ZNF263: variants seen among roughly 807,000 people sequenced by gnomAD.
ZNF263 encodes zinc finger protein 263, also known as zinc finger protein FPM315.
ZNF263 carries 49 observed loss-of-function variants against 63.1 expected under a neutral mutation model. The observed-to-expected ratio is 0.78, with a 90% CI of 0.62 to 0.99. The LOEUF (loss-of-function observed/expected upper bound fraction) is 0.99, where lower values mean the gene tolerates loss of function less well. Ranked by LOEUF, ZNF263 falls within the 50% of genes least tolerant of loss-of-function variation. The pLI is 0.00. For synonymous variants in ZNF263, 352 were observed against 324.2 expected (o/e 1.09, Z -0.92); for missense variants, 872 against 854.8 (o/e 1.02, Z -0.25).
At chr16:3,284,262 C>T in intron 1 of ZNF263, 57 bp downstream of exon 1, 1 of 1,453,970 alleles carries the variant, frequency 6.9e-7, no homozygotes, top group Non-Finnish European at 9.1e-7. Flanking sequence ...AGCACTGGGA[C>T]ATTGCGCCCC....
chr16:3,285,655 C>T (rs1346803556), intron 2 of ZNF263, 26 bp from the exon 3 acceptor site: 1 of 1,610,326 alleles, frequency 6.2e-7, no homozygotes, highest in Non-Finnish European at 8.5e-7. Context: ...GAATGCCATT[C>T]TCATTATAAT....
intron 2 of ZNF263, chr16:3,300,367 G>A (rs746355436): frequency 1.8e-5 from 29 of 1,614,036 alleles, no homozygotes; most frequent in Admixed American, 5.0e-5. Context: ...CATGTAGACC[G>A]CATCATCTAC....
Position 3,289,607 on chromosome 16 carries a change from G to A in ZNF263, c.1101G>A (p.Gly367=). ...LAGASSGREL[G]RPKELQPKKL... Reference sequence around the variant, plus strand: ...GAGCCTCAAGTGGCAGAGAACTGGGGCGACCGAAGGAACTGCAGCCAAAGA... The same window carrying A: ...GAGCCTCAAGTGGCAGAGAACTGGGACGACCGAAGGAACTGCAGCCAAAGA... Residue 367 remains glycine (G), a synonymous_variant, in exon 6 of 6, where the codon GGG becomes GGA. Transcript: ENST00000219069. The A allele has an allele frequency of 6.2e-7, 1 of 1,614,182 alleles. No homozygotes were observed. Among genetic ancestry groups the A allele is most frequent in the Non-Finnish European group, 8.5e-7 (1 of 1,180,048 alleles).
Position 3,288,544 on chromosome 16 carries a change from G to T in ZNF263, c.860G>T (p.Gly287Val). ...CCCAGTGTCCAGAGCTGCAAGGAGG[G>T]CCTGAGCCCCAGAGGCCCAGCTCCA... ...WDPSVQSCKEGLSPRGPAPGE... is the reference protein window; with the variant it reads ...WDPSVQSCKEVLSPRGPAPGE... Residue 287 changes from glycine to valine, a missense_variant, in exon 5 of 6, where the codon GGC becomes GTC. Transcript: ENST00000219069. 6.2e-7 allele frequency: 1 copy of T among 1,611,540 alleles called. No individual in the cohort carries two copies.
In ZNF263 at chr16:3,283,684, G is replaced by T. The variant is rs1959233001; in HGVS notation, c.-135G>T. On this transcript the variant is annotated 5_prime_UTR_variant, in exon 1 of 6. Transcript: ENST00000219069. ...CGGAGCCGGCCGCGCCTGGGCTGGA[G>T]CGGGGCTCCTCGGCCTGGACTGGGA... 7.5e-7 allele frequency: 1 copy of T among 1,327,574 alleles called. No individual in the cohort carries two copies. Among genetic ancestry groups the T allele is most frequent in the African/African-American group, 1.5e-5 (1 of 65,456 alleles). 82.2% of individuals were successfully genotyped at this position (1,327,574 alleles called of 1,614,324 possible). A position where few individuals can be genotyped will look rare whatever the true frequency, so the allele number is the denominator to read the frequency against.
In ZNF263 at chr16:3,283,932, G is replaced by T; in HGVS notation, c.114G>T (p.Glu38Asp). Reference sequence around the variant, plus strand: ...CACCTGACCCAGGACCGAGCCCCGAGGCCTCCCACTTGCGCTTCAGACGGT... The same window carrying T: ...CACCTGACCCAGGACCGAGCCCCGATGCCTCCCACTTGCGCTTCAGACGGT... The part of the protein sequence containing the change: ...LPPPDPGPSP[E>D]ASHLRFRRFR... Residue 38 changes from glutamate to aspartate, a missense_variant, in exon 1 of 6, where the codon GAG (glutamate) becomes GAT (aspartate). Glu to Asp is a conservative substitution (Grantham distance 45). Coordinates refer to ENST00000219069, the MANE Select transcript of ZNF263 (RefSeq NM_005741.5). 1 of 1,613,768 alleles carries T rather than the reference G, an allele frequency of 6.2e-7. No homozygotes were observed. The highest frequency in any genetic ancestry group is 8.5e-7 in the Non-Finnish European group (1 of 1,179,954).
intron 2 of ZNF263, chr16:3,299,751 G>A (rs143146510): frequency 8.3e-5 from 129 of 1,545,996 alleles, no homozygotes; most frequent in Middle Eastern, 3.5e-4. Flanking sequence ...ATGCCCTGAC[G>A]TCCTCGTCAT....
At chr16:3,299,267 G>A in intron 2 of ZNF263, 1 of 1,610,838 alleles carries the variant, frequency 6.2e-7, no homozygotes, top group Non-Finnish European at 8.5e-7. Flanking sequence ...GTTTTTAGGA[G>A]ACAACCCTTT....
intron 2 of ZNF263, chr16:3,300,486 A>G (rs1436293559): frequency 1.2e-6 from 2 of 1,614,084 alleles, no homozygotes; most frequent in Non-Finnish European, 1.7e-6. Context: ...TTTTAATGTC[A>G]TAAAATGTTG....
intron 1 of ZNF263, among the ~76,000 whole-genome samples, chr16:3,298,081 C>T (rs892501773): frequency 7.2e-5 from 11 of 152,162 alleles, no homozygotes; most frequent in African/African-American, 1.4e-4. Flanking sequence ...TCAACTGATA[C>T]GTTACATCCC....
downstream of ZNF263, among the ~76,000 whole-genome samples, chr16:3,292,558 T>C (rs921345533): frequency 5.3e-5 from 8 of 152,156 alleles, no homozygotes; most frequent in Non-Finnish European, 1.0e-4. Context: ...GGATGGAATG[T>C]AAAGCTGGTG....
chr16:3,300,291 C>G (rs1596378481), intron 2 of ZNF263: 1 of 1,614,226 alleles, frequency 6.2e-7, no homozygotes. Context: ...GTGCAAATCT[C>G]TCTGCAGCAG....
At chr16:3,286,203 G>C (rs1959350981) in intron 4 of ZNF263, 54 bp downstream of exon 4, 3 of 1,530,282 alleles carry the variant, frequency 2.0e-6, no homozygotes, top group Admixed American at 4.7e-5. Flanking sequence ...CCAGGGTCCT[G>C]CCCGTTATTC....
chr16:3,300,553 C>T (rs1299850161), intron 2 of ZNF263: 3 of 1,609,454 alleles, frequency 1.9e-6, no homozygotes, highest in Admixed American at 1.7e-5. Flanking sequence ...AGCTTCAATT[C>T]TACTTAGAAC....
At chr16:3,298,345 A>G (rs1044130713) in intron 1 of ZNF263, among the ~76,000 whole-genome samples, 1 of 152,260 alleles carries the variant, frequency 6.6e-6, no homozygotes, top group African/African-American at 2.4e-5. Flanking sequence ...ACGATCCTAT[A>G]TACTCAATAA....
chr16:3,298,858 C>T (rs1959843580), intron 1 of ZNF263: 1 of 420,694 alleles, frequency 2.4e-6, no homozygotes, highest in Non-Finnish European at 4.2e-6. Context: ...AATTTTATAA[C>T]CATTATATAA....
At chr16:3,288,004 C>T (rs1959443541) in intron 4 of ZNF263, among the ~76,000 whole-genome samples, 1 of 151,622 alleles carries the variant, frequency 6.6e-6, no homozygotes, top group Non-Finnish European at 1.5e-5. Flanking sequence ...GTAATCCCAG[C>T]ACTTTGGGAG....
chr16:3,293,506 T>C (rs1195513159), downstream of ZNF263: 1 of 152,256 alleles, frequency 6.6e-6, no homozygotes, highest in African/African-American at 2.4e-5. Context: ...ACTAGGGCTC[T>C]TGTAAAAGAA....
chr16:3,285,000 C>A, intron 1 of ZNF263, 59 bp from the exon 2 acceptor site: 1 of 1,594,648 alleles, frequency 6.3e-7, no homozygotes, highest in Non-Finnish European at 8.6e-7. Flanking sequence ...GTATCCTATA[C>A]TAATTTCCCT....
Sources: allele counts gnomAD v4.1 joint callset (sites outside exome capture counted in the v4.1 genomes callset), GRCh38; gene constraint gnomAD v4.1.1; transcripts MANE v1.5; gene names NCBI Gene and HGNC (gene_info 2026-07-23, HGNC 2026-07-21).